ZCCHC10: variants seen among roughly 807,000 people sequenced by gnomAD.
ZCCHC10 encodes zinc finger CCHC-type containing 10.
In ZCCHC10, 16 loss-of-function variants were observed where a neutral mutation model predicts 19.5. The ratio of observed to expected loss-of-function variants is 0.82; its 90% CI spans 0.56 to 1.25. The LOEUF is 1.25. ZCCHC10 is among the 50% of genes most tolerant of loss of function. The pLI, the probability that ZCCHC10 is intolerant of heterozygous loss-of-function variation, is 0.00. For missense variants in ZCCHC10, 197 were observed against 201.0 expected, an observed-to-expected ratio of 0.98 and a Z score of 0.12; for synonymous variants, 67 against 72.5, an observed-to-expected ratio of 0.92 and a Z score of 0.38.
intron 2 of ZCCHC10, among the ~76,000 whole-genome samples, chr5:133,016,117 T>C (rs1763903146): frequency 6.6e-6 from 1 of 152,152 alleles, no homozygotes; most frequent in Non-Finnish European, 1.5e-5. Context: ...AACAAAAAAA[T>C]ATAGGCTCAG....
rs34331639 is a variant in ZCCHC10, at chr5:133,001,953, C to CTTT, written c.270-1783_270-1781dup. Among the ~76,000 whole-genome samples the CTTT allele has an allele frequency of 8.5e-4, 66 of 77,842 alleles. 6 individuals carry two copies. The highest frequency in any genetic ancestry group is 1.1e-3 in the Non-Finnish European group (42 of 39,400). 51.1% of individuals were successfully genotyped at this position (77,842 alleles called of 152,430 possible). A position where few individuals can be genotyped will look rare whatever the true frequency, so the allele number is the denominator to read the frequency against. ...TATAACTGAATCAAAATTCAGCAAT[C>CTTT]TTTTTTTTTTTTTTTTTTTTTTTTT... On this transcript the variant is annotated intron_variant, in intron 3 of 4. Transcript: ENST00000509437.
At chr5:133,025,471 T>A (rs1425585107) in intron 1 of ZCCHC10, among the ~76,000 whole-genome samples, 3 of 116,378 alleles carry the variant, frequency 2.6e-5, no homozygotes, top group African/African-American at 3.3e-5. Context: ...ACCTCTGCAC[T>A]CCAGCCTGGG....
chr5:133,011,624 T>TAAAAA (rs1194165056), intron 2 of ZCCHC10, among the ~76,000 whole-genome samples: 3 of 44,806 alleles, frequency 6.7e-5, no homozygotes, highest in African/African-American at 9.7e-5. Flanking sequence ...AGACTCCATC[T>TAAAAA]AAAAAAAAAA....
intron 2 of ZCCHC10, among the ~76,000 whole-genome samples, chr5:133,007,192 T>C (rs1046084666): frequency 1.3e-5 from 2 of 152,124 alleles, no homozygotes; most frequent in African/African-American, 2.4e-5. Context: ...GGGCAAGTCT[T>C]TCCTGTGCTG....
At position 133,003,219 on chromosome 5, in the gene ZCCHC10, G is replaced by A. The variant is rs112627536; in HGVS notation, c.270-3046C>T. 3.0e-3 allele frequency: 1,108 copies of A among 375,424 alleles called. 9 individuals carry two copies. The highest frequency in any genetic ancestry group is 0.021 in the African/African-American group (975 of 47,226). The allele number at this position is 375,424 out of a possible 1,614,324, so 23.3% of individuals were successfully genotyped here. On this transcript the variant is annotated intron_variant, in intron 3 of 4. Transcript: ENST00000509437. The stretch of plus-strand genomic sequence containing the variant: ...GTATTGGAGCAGCACTGTTTCTCTC[G>A]CCTCTGACATTGTTCAATCCAGATG...
At chr5:133,017,338 G>C (rs1220921799) in intron 2 of ZCCHC10, among the ~76,000 whole-genome samples, 1 of 151,942 alleles carries the variant, frequency 6.6e-6, no homozygotes, top group Non-Finnish European at 1.5e-5. Flanking sequence ...AGGAAGGGAA[G>C]AGGAAGAACT....
At chr5:133,005,024 G>T (rs1368681646) in intron 3 of ZCCHC10, among the ~76,000 whole-genome samples, 1 of 152,042 alleles carries the variant, frequency 6.6e-6, no homozygotes, top group Non-Finnish European at 1.5e-5. Flanking sequence ...TCTCAGCTGG[G>T]TGCGGTGGCT....
At chr5:133,018,084 G>A (rs1418834952) in intron 2 of ZCCHC10, among the ~76,000 whole-genome samples, 1 of 150,938 alleles carries the variant, frequency 6.6e-6, no homozygotes, top group East Asian at 2.0e-4. Flanking sequence ...GGCGGAGGGT[G>A]CAGTGAGCCG....
At chr5:133,013,756 C>T (rs1561547158) in intron 2 of ZCCHC10, among the ~76,000 whole-genome samples, 1 of 151,516 alleles carries the variant, frequency 6.6e-6, no homozygotes, top group African/African-American at 2.4e-5. Context: ...AAGAAACATC[C>T]ATCCACTATT....
chr5:132,998,830 G>T lies in ZCCHC10; in HGVS notation c.332C>A (p.Ser111Tyr). The T allele has an allele frequency of 6.2e-7, 1 of 1,614,114 alleles. No homozygotes were observed. The highest frequency in any genetic ancestry group is 8.5e-7 in the Non-Finnish European group (1 of 1,180,014). Reference sequence around the variant, plus strand: ...AGAACTGTCACTGCTACTGCTACTGGAACTGGTTACACTCTTAGACCTATT... The same window carrying T: ...AGAACTGTCACTGCTACTGCTACTGTAACTGGTTACACTCTTAGACCTATT... The part of the protein sequence containing the change: ...KKKRSKSVTS[S>Y]SSSSSDSSAS... The change falls in exon 5 of 5, where the codon TCC (serine) becomes TAC (tyrosine). Residue 111 changes from serine (S) to tyrosine (Y), a missense_variant. By Grantham distance (144) the Ser-to-Tyr change is moderately radical. Transcript: ENST00000509437.
At chr5:133,004,337 G>C (rs1475507586) in intron 3 of ZCCHC10, among the ~76,000 whole-genome samples, 1 of 151,862 alleles carries the variant, frequency 6.6e-6, no homozygotes, top group Admixed American at 6.6e-5. Context: ...ACCACGTCTG[G>C]ATAATTTTGT....
intron 2 of ZCCHC10, among the ~76,000 whole-genome samples, chr5:133,010,914 C>G (rs1763459810): frequency 6.6e-6 from 1 of 150,582 alleles, no homozygotes; most frequent in South Asian, 2.1e-4. Flanking sequence ...GCCTCAGCCT[C>G]CCAAGTAGCT....
chr5:133,018,292 T>A (rs957218863), intron 2 of ZCCHC10, among the ~76,000 whole-genome samples: 22 of 152,006 alleles, frequency 1.4e-4, no homozygotes, highest in African/African-American at 5.3e-4. Context: ...AGCTATATGA[T>A]CTTCAGCAAG....
Position 133,006,835 on chromosome 5 carries a change from G to A in ZCCHC10, c.193C>T (p.Leu65=). 6.2e-7 allele frequency: 1 copy of A among 1,612,408 alleles called. No homozygotes were observed. Among genetic ancestry groups the A allele is most frequent in the Non-Finnish European group, 8.5e-7 (1 of 1,179,496 alleles). ...TCTGCTGTCCTTGAGGGCCTATGTA[G>A]GTATTTTCTTTTTCCTGTGCATTCA... is the stretch of plus-strand genomic sequence containing the variant. ...TYECTGKRKY[L]HRPSRTAELK... Residue 65 remains leucine (L), a synonymous_variant, in exon 3 of 5, where the codon CTA becomes TTA. Transcript: ENST00000509437.
chr5:132,999,541 C>T (rs2126534985), intron 4 of ZCCHC10, among the ~76,000 whole-genome samples: 1 of 152,300 alleles, frequency 6.6e-6, no homozygotes, highest in Admixed American at 6.5e-5. Context: ...GGCTGGCCAA[C>T]AATTTCTTAC....
intron 2 of ZCCHC10, among the ~76,000 whole-genome samples, chr5:133,016,944 C>G (rs1012764160): frequency 1.3e-5 from 2 of 152,024 alleles, no homozygotes; most frequent in African/African-American, 2.4e-5. Context: ...AGGCCCCCCC[C>G]AGACACATTT....
chr5:133,007,711 G>A (rs111950454), intron 2 of ZCCHC10, among the ~76,000 whole-genome samples: 2,388 of 152,194 alleles, frequency 0.016, 30 homozygotes, highest in Middle Eastern at 0.037. Flanking sequence ...TTTTTGTTGT[G>A]TAAATTGCCC....
intron 3 of ZCCHC10, among the ~76,000 whole-genome samples, chr5:133,005,070 C>T (rs569005151): frequency 1.3e-4 from 19 of 147,608 alleles, no homozygotes; most frequent in Non-Finnish European, 1.4e-4. Flanking sequence ...GAGGCCGAGG[C>T]GGGCAGATCA....
chr5:133,011,917 G>A (rs958446483), intron 2 of ZCCHC10, among the ~76,000 whole-genome samples: 5 of 151,936 alleles, frequency 3.3e-5, no homozygotes, highest in African/African-American at 4.8e-5. Flanking sequence ...ATCATTTGAG[G>A]TCAGAAGTTC....
Sources: gnomAD v4.1 joint callset for allele counts (sites outside exome capture counted in the v4.1 genomes callset) on GRCh38, gnomAD v4.1.1 for gene constraint, MANE v1.5 for transcripts, NCBI Gene and HGNC (gene_info 2026-07-23, HGNC 2026-07-21) for gene names.